The following FBN3 variants were observed in gnomAD, a reference collection of about 807,000 sequenced individuals.
FBN3 encodes the protein fibrillin 3.
Under a neutral mutation model 330.1 loss-of-function variants are expected in FBN3, and 234 were observed. The ratio of observed to expected loss-of-function variants is 0.71; its 90% confidence interval spans 0.64 to 0.79. The LOEUF is 0.79. FBN3 is among the 30% of genes least tolerant of loss of function. The pLI is 0.00. For synonymous variants in FBN3, 1,458 were observed against 1,517.3 expected (o/e 0.96, Z 0.91); for missense variants, 3,606 against 3,886.9 (o/e 0.93, Z 1.92).
In FBN3 at chr19:8,136,430, A is replaced by G. The variant is rs751963954; in HGVS notation, c.1303T>C (p.Cys435Arg). ...LPTPSSYRCE[C>R]NVGYTQDVRG... ...ACGTCCTGGGTGTAGCCCACGTTAC[A>G]CTCGCAGCGGTAGCTGGAAGGCGTG... The change falls in exon 11 of 64, where the codon TGT becomes CGT. Residue 435 changes from cysteine (C) to arginine (R), a missense_variant. Cys to Arg is a radical substitution (Grantham distance 180, BLOSUM62 -3). Transcript: ENST00000600128. 6.2e-7 allele frequency: 1 copy of G among 1,614,048 alleles called. No individual in the cohort carries two copies. The highest frequency in any genetic ancestry group is 1.7e-5 in the Admixed American group (1 of 60,012).
chr19:8,117,730 A>G (rs2082738374), intron 26 of FBN3, 141 bp from the exon 27 acceptor site: 11 of 938,636 alleles, frequency 1.2e-5, no homozygotes, highest in Admixed American at 2.9e-5. Flanking sequence ...CTATCCGTAC[A>G]CTTGCATTCA....
rs1568448496 is a variant in FBN3, at chr19:8,135,934, C to T, written c.1591+27G>A. On this transcript the variant is annotated intron_variant, in intron 13 of 63. Coordinates refer to ENST00000600128, the MANE Select transcript of FBN3 (RefSeq NM_032447.5). ...GGCAGCTAGTGGGGCCCGGAAGCCC[C>T]TGCCCACCCGCCCACCCCCAACTCA... 4 of 1,284,388 alleles carry T rather than the reference C, an allele frequency of 3.1e-6. No homozygotes were observed. In the East Asian group the frequency reaches 8.0e-5, roughly 26 times the overall value. The allele number at this position is 1,284,388 out of a possible 1,614,324, so 79.6% of individuals were successfully genotyped here. A position where few individuals can be genotyped will look rare whatever the true frequency, so the allele number is the denominator to read the frequency against.
At chr19:8,126,067 T>G (rs537848257) in intron 21 of FBN3, 50 bp from the exon 22 acceptor site, 1 of 1,611,124 alleles carries the variant, frequency 6.2e-7, no homozygotes, top group African/African-American at 1.3e-5. Flanking sequence ...GGAAGGGTGC[T>G]GGCTGGCCAT....
intron 37 of FBN3, among the ~76,000 whole-genome samples, chr19:8,106,514 G>T (rs2082441058): frequency 6.6e-6 from 1 of 152,184 alleles, no homozygotes; most frequent in Admixed American, 6.5e-5. Flanking sequence ...TCTTCCTCTA[G>T]ATGGAGAATA....
intron 56 of FBN3, among the ~76,000 whole-genome samples, chr19:8,084,079 G>A (rs2081876851): frequency 6.6e-6 from 1 of 151,706 alleles, no homozygotes; most frequent in Non-Finnish European, 1.5e-5. Context: ...TGGGATTACA[G>A]GCGTGAGCCA....
chr19:8,076,354 TG>T (rs1229040903), intron 59 of FBN3, among the ~76,000 whole-genome samples: 8 of 151,998 alleles, frequency 5.3e-5, no homozygotes, highest in Admixed American at 5.3e-4. Flanking sequence ...TCTTGGGGGC[TG>T]GGTACAGTGG....
At position 8,141,935 on chromosome 19, in the gene FBN3, T is replaced by C. The variant is rs541245002; in HGVS notation, c.739+5A>G. 61 of 1,614,122 alleles carry C rather than the reference T, an allele frequency of 3.8e-5. No homozygotes were observed. The East Asian group carries it at 1.3e-3, about 34-fold the overall frequency. On this transcript the variant is annotated splice_donor_5th_base_variant and intron_variant, in intron 7 of 63. Coordinates refer to ENST00000600128, the MANE Select transcript of FBN3 (RefSeq NM_032447.5). The stretch of plus-strand genomic sequence containing the variant: ...CTCCCACTCAGCCCTGACCCCACTA[T>C]TCACCTTGGCAGGCCCCCGTGTGGA...
chr19:8,095,828 T>C, intron 45 of FBN3, 136 bp downstream of exon 45: 1 of 612,828 alleles, frequency 1.6e-6, no homozygotes, highest in Non-Finnish European at 2.9e-6. Context: ...GACCTATGGA[T>C]TATTTAGGAG....
intron 63 of FBN3, among the ~76,000 whole-genome samples, chr19:8,070,314 G>T (rs572260159): frequency 7.2e-4 from 110 of 152,162 alleles, no homozygotes; most frequent in Non-Finnish European, 1.1e-3. Flanking sequence ...TATAAAAGAT[G>T]ATATGTTTTA....
chr19:8,082,397 TTC>T (rs780580857), intron 57 of FBN3, among the ~76,000 whole-genome samples: 4 of 119,254 alleles, frequency 3.4e-5, no homozygotes, highest in African/African-American at 1.6e-4. Context: ...CTTCTCTTTT[TTC>T]TCTTTCTCCC....
Position 8,145,905 on chromosome 19 carries a change from C to A in FBN3, c.383G>T (p.Gly128Val). 6.4e-7 allele frequency: 1 copy of A among 1,551,248 alleles called. No individual in the cohort carries two copies. The highest frequency in any genetic ancestry group is 8.7e-7 in the Non-Finnish European group (1 of 1,146,972). The change falls in exon 5 of 64, where the codon GGC becomes GTC. Residue 128 changes from glycine to valine, a missense_variant. Coordinates refer to ENST00000600128, the MANE Select transcript of FBN3 (RefSeq NM_032447.5). ...CAGACAGGACGCCCCCCGGCAGGTG[C>A]CCCCATTCATACAGCTCACACTGCA... ...SGCSVSCMNG[G>V]TCRGASCLCQ...
At chr19:8,126,687 C>A (rs28574675) in intron 19 of FBN3, 26 bp downstream of exon 19, 3 of 1,581,472 alleles carry the variant, frequency 1.9e-6, no homozygotes, top group Non-Finnish European at 2.6e-6. Flanking sequence ...GCCTCTGGAA[C>A]GCCGTCGGGC....
In FBN3 at chr19:8,116,802, G is replaced by C. The variant is rs1230535911; in HGVS notation, c.3587-3C>G. ...GTTCTCTTCACACTCGTCCACGTCTGGGGGAGCAGGGTTGGGGACTGTGCT... is the reference window on the plus strand; with the variant it reads ...GTTCTCTTCACACTCGTCCACGTCTCGGGGAGCAGGGTTGGGGACTGTGCT... On this transcript the variant is annotated splice_region_variant and splice_polypyrimidine_tract_variant and intron_variant, in intron 28 of 63. Coordinates refer to ENST00000600128, the MANE Select transcript of FBN3 (RefSeq NM_032447.5). 7 of 1,613,292 alleles carry C rather than the reference G, an allele frequency of 4.3e-6. No homozygotes were observed. The highest frequency in any genetic ancestry group is 3.3e-5 in the Admixed American group (2 of 59,944).
intron 54 of FBN3, 82 bp from the exon 55 acceptor site, chr19:8,086,407 A>G: frequency 5.4e-6 from 5 of 928,334 alleles, no homozygotes; most frequent in Non-Finnish European, 8.2e-6. Flanking sequence ...GCCCCTTTGG[A>G]TCTGCCCAGG....
Position 8,088,174 on chromosome 19 carries a change from CTG to C in FBN3, c.6380_6381del (p.Thr2127ArgfsTer27). On this transcript the variant is annotated frameshift_variant, in exon 52 of 64. Transcript: ENST00000600128. LOFTEE classifies it high-confidence loss of function. ...LDFTGINCVD[T>X]DECSVGHPCG... ...CAGGGGTGGCCGACAGAGCACTCGT[CTG>C]TGTCTGGGTGGGAGTAAGGGGGTGG... 1 of 1,598,600 alleles carries C rather than the reference CTG, an allele frequency of 6.3e-7. No individual in the cohort carries two copies. Among genetic ancestry groups the C allele is most frequent in the Non-Finnish European group, 8.5e-7 (1 of 1,170,764 alleles).
chr19:8,081,387 AGGTAGCCTCGG>A lies in FBN3; in HGVS notation c.7296_7306del (p.Arg2433AlafsTer51). 3 of 1,610,414 alleles carry A rather than the reference AGGTAGCCTCGG, an allele frequency of 1.9e-6. No individual in the cohort carries two copies. The highest frequency in any genetic ancestry group is 2.5e-6 in the Non-Finnish European group (3 of 1,178,268). On this transcript the variant is annotated frameshift_variant, in exon 58 of 64. Transcript: ENST00000600128. LOFTEE classifies it high-confidence loss of function. ...GCAGGTCCTGCCATCCTCCTCCAGC[AGGTAGCCTCGG>A]GGACAGCTGCACAGGAAACTGCCCT...
chr19:8,135,935 T>TTGGGGGGGGGGGGGGGGGCG, intron 13 of FBN3, 26 bp downstream of exon 13: 44 of 1,344,150 alleles, frequency 3.3e-5, no homozygotes, highest in Non-Finnish European at 3.8e-5. Context: ...CGGAAGCCCC[T>TTGGGGGGGGGGGGGGGGGCG]GCCCACCCGC....
chr19:8,083,395 T>C, intron 56 of FBN3, 23 bp from the exon 57 acceptor site: 1 of 1,612,962 alleles, frequency 6.2e-7, no homozygotes, highest in Non-Finnish European at 8.5e-7. Context: ...AGGGTGCAAA[T>C]GGGGCTGGCT....
At chr19:8,074,574 G>GA (rs2081595315) in intron 61 of FBN3, among the ~76,000 whole-genome samples, 2 of 151,776 alleles carry the variant, frequency 1.3e-5, no homozygotes, top group Non-Finnish European at 2.9e-5. Context: ...GTGGAGGAAT[G>GA]AAAAGAGCAG....
Sources: allele counts gnomAD v4.1 joint callset (sites outside exome capture counted in the v4.1 genomes callset), GRCh38; gene constraint gnomAD v4.1.1; transcripts MANE v1.5; gene names NCBI Gene and HGNC (gene_info 2026-07-23, HGNC 2026-07-21).